Variants in CDH13 observed in about 807,000 individuals in gnomAD.
CDH13 encodes the protein cadherin-13.
Under a neutral mutation model 63.8 loss-of-function variants are expected in CDH13, and 24 were observed. That is an observed-to-expected ratio of 0.38 (90% CI 0.27 to 0.53). The LOEUF is 0.53. Among genes scored for constraint, CDH13 ranks in the 20% least tolerant of loss-of-function variants. The probability of loss-of-function intolerance (pLI) is 0.85; values close to 1 mark genes in which losing one functional copy is unlikely to be tolerated. For missense variants in CDH13, 1,049 were observed against 903.1 expected, an observed-to-expected ratio of 1.16 and a Z score of -2.07; for synonymous variants, 503 against 355.3, an observed-to-expected ratio of 1.42 and a Z score of -4.67.
At chr16:83,018,349 C>T (rs766026435) in intron 2 of CDH13, among the ~76,000 whole-genome samples, 8 of 152,152 alleles carry the variant, frequency 5.3e-5, no homozygotes, top group Non-Finnish European at 1.2e-4. Flanking sequence ...TGCCGTTTAT[C>T]CCTTACTGCC....
chr16:83,698,649 T>A (rs1158403647), intron 10 of CDH13, among the ~76,000 whole-genome samples: 1 of 152,232 alleles, frequency 6.6e-6, no homozygotes, highest in East Asian at 1.9e-4. Context: ...ACTGATCTTA[T>A]GATCTAGCCT....
At chr16:82,696,475 C>T (rs1459870978) in intron 1 of CDH13, among the ~76,000 whole-genome samples, 1 of 152,160 alleles carries the variant, frequency 6.6e-6, no homozygotes, top group Non-Finnish European at 1.5e-5. Context: ...GACATGGCAA[C>T]ATGAATGACA....
Position 83,230,386 on chromosome 16 carries a change from G to T in CDH13, c.636+12889G>T, listed in dbSNP as rs148522759. Reference sequence around the variant, plus strand: ...AAGTATCTTTCTCTTGGTGAGGTAGGCTGCAAGTTGATGTGGAAGAAGTTC... The same window carrying T: ...AAGTATCTTTCTCTTGGTGAGGTAGTCTGCAAGTTGATGTGGAAGAAGTTC... On this transcript the variant is annotated intron_variant, in intron 5 of 13. Coordinates refer to ENST00000567109, the MANE Select transcript of CDH13 (RefSeq NM_001257.5). 7.1e-3 allele frequency among the ~76,000 whole-genome samples: 1,085 copies of T among 152,250 alleles called. 7 individuals are homozygous for T. Among genetic ancestry groups the T allele is most frequent in the Non-Finnish European group, 0.012 (822 of 68,010 alleles).
chr16:83,725,344 G>A (rs1025107738), intron 10 of CDH13: 1 of 152,266 alleles, frequency 6.6e-6, no homozygotes, highest in Non-Finnish European at 1.5e-5. Flanking sequence ...TTAGGCGTCA[G>A]TCTGGGAAAC....
intron 4 of CDH13, among the ~76,000 whole-genome samples, chr16:83,197,645 T>C (rs2038912622): frequency 6.6e-6 from 1 of 152,148 alleles, no homozygotes; most frequent in African/African-American, 2.4e-5. Context: ...GAGAGGAAGA[T>C]GTGGTTGTGA....
rs1231982874 is a variant in CDH13, at chr16:83,798,168, T to C, written c.*3138T>C. On this transcript the variant is annotated 3_prime_UTR_variant, in exon 14 of 14. Coordinates refer to ENST00000567109, the MANE Select transcript of CDH13 (RefSeq NM_001257.5). ...AACAGTCTGATAAATGGAACAACCA[T>C]CTACCATCACACTCATAGAGTAGCT... 2.0e-5 allele frequency: 3 copies of C among 152,206 alleles called. No individual in the cohort carries two copies. The highest frequency in any genetic ancestry group is 7.2e-5 in the African/African-American group (3 of 41,444). The allele number at this position is 152,206 out of a possible 1,614,324, so 9.4% of individuals were successfully genotyped here.
chr16:82,898,576 G>A lies in CDH13; in HGVS notation c.157+40103G>A, dbSNP rs549824328. ...ATAATTCTCTTGAATTATAGCACTG[G>A]TCTCATGGATGATATAGATAGTGGT... On this transcript the variant is annotated intron_variant, in intron 2 of 13. Transcript: ENST00000567109. Among the ~76,000 whole-genome samples the A allele has an allele frequency of 4.6e-5, 7 of 152,270 alleles. No homozygotes were observed. The South Asian group carries it at 1.4e-3, about 32-fold the overall frequency.
intron 2 of CDH13, among the ~76,000 whole-genome samples, chr16:82,871,584 G>T (rs974850510): frequency 2.0e-5 from 3 of 152,104 alleles, no homozygotes; most frequent in Non-Finnish European, 4.4e-5. Flanking sequence ...TTTCCTCCCT[G>T]GACCTTTGTT....
chr16:83,685,964 A>T (rs1904307384), intron 10 of CDH13, among the ~76,000 whole-genome samples: 2 of 152,090 alleles, frequency 1.3e-5, no homozygotes, highest in Non-Finnish European at 2.9e-5. Context: ...AATACCTAAC[A>T]TTTTTATGTA....
intron 2 of CDH13, among the ~76,000 whole-genome samples, chr16:82,891,910 A>G (rs2041094642): frequency 2.0e-5 from 3 of 152,196 alleles, no homozygotes. Flanking sequence ...TGTCCCTTAA[A>G]TATAGATGAG....
chr16:82,691,782 G>A (rs757123997), intron 1 of CDH13, among the ~76,000 whole-genome samples: 1 of 152,072 alleles, frequency 6.6e-6, no homozygotes, highest in Non-Finnish European at 1.5e-5. Flanking sequence ...TTCTGACATG[G>A]GTTAATAAGG....
intron 2 of CDH13, among the ~76,000 whole-genome samples, chr16:82,873,007 A>G (rs1325860416): frequency 6.6e-6 from 1 of 152,190 alleles, no homozygotes; most frequent in Non-Finnish European, 1.5e-5. Flanking sequence ...TGACAAGACG[A>G]TGGTTAAGTA....
At chr16:83,166,573 T>C (rs1428560876) in intron 4 of CDH13, among the ~76,000 whole-genome samples, 1 of 152,132 alleles carries the variant, frequency 6.6e-6, no homozygotes. Flanking sequence ...TGACATGCCA[T>C]TTGATTAATT....
rs2040344299 is a variant in CDH13, at chr16:82,871,646, C to G, written c.157+13173C>G. 2.9e-5 allele frequency among the ~76,000 whole-genome samples: 4 copies of G among 140,192 alleles called. No homozygotes were observed. The South Asian group carries it at 9.0e-4, about 32-fold the overall frequency. 92.0% of individuals were successfully genotyped at this position (140,192 alleles called of 152,430 possible). A position where few individuals can be genotyped will look rare whatever the true frequency, so the allele number is the denominator to read the frequency against. On this transcript the variant is annotated intron_variant, in intron 2 of 13. Coordinates refer to ENST00000567109, the MANE Select transcript of CDH13 (RefSeq NM_001257.5). ...TGAGTTGGGCTGTTTTGACTGTAAT[C>G]AACAGTAACACAACTCCAACTAGCC...
intron 2 of CDH13, among the ~76,000 whole-genome samples, chr16:82,970,440 C>T (rs543331173): frequency 2.6e-4 from 34 of 133,210 alleles, no homozygotes; most frequent in East Asian, 1.3e-3. Flanking sequence ...TCGCCCAGGC[C>T]GGACTGCGGA....
intron 6 of CDH13, among the ~76,000 whole-genome samples, chr16:83,439,117 C>G (rs982803660): frequency 1.3e-5 from 2 of 152,148 alleles, no homozygotes; most frequent in African/African-American, 4.8e-5. Context: ...AGTTACTTCT[C>G]CAGTCTGAAC....
At chr16:83,481,126 G>A (rs558788757) in intron 6 of CDH13, among the ~76,000 whole-genome samples, 8 of 152,274 alleles carry the variant, frequency 5.3e-5, no homozygotes, top group African/African-American at 1.9e-4. Context: ...TTCACCTGGT[G>A]ACATCTGCCA....
At chr16:82,666,044 C>T (rs989817752) in intron 1 of CDH13, among the ~76,000 whole-genome samples, 2 of 152,128 alleles carry the variant, frequency 1.3e-5, no homozygotes, top group Admixed American at 6.5e-5. Context: ...GTGTATAAAT[C>T]GTGTAAAATC....
chr16:82,967,689 C>G (rs961850888), intron 2 of CDH13, among the ~76,000 whole-genome samples: 1 of 152,154 alleles, frequency 6.6e-6, no homozygotes, highest in African/African-American at 2.4e-5. Flanking sequence ...CAGTTGGTTC[C>G]GGCAGTTGTT....
Sources: gnomAD v4.1 joint callset for allele counts (sites outside exome capture counted in the v4.1 genomes callset) on GRCh38, gnomAD v4.1.1 for gene constraint, MANE v1.5 for transcripts, NCBI Gene and HGNC (gene_info 2026-07-23, HGNC 2026-07-21) for gene names.